FAM210A: variants seen among roughly 807,000 people sequenced by gnomAD.
FAM210A encodes mitochondrial inner membrane scaffold 1.
Under a neutral mutation model 25.3 loss-of-function variants are expected in FAM210A, and 13 were observed. The ratio of observed to expected loss-of-function variants is 0.51; its 90% CI spans 0.33 to 0.82. The LOEUF is 0.82. FAM210A is among the 40% of genes least tolerant of loss of function. FAM210A has a pLI of 0.02. For synonymous variants in FAM210A, 125 were observed against 118.7 expected, an observed-to-expected ratio of 1.05 and a Z score of -0.35; for missense variants, 319 against 323.2, an observed-to-expected ratio of 0.99 and a Z score of 0.10.
chr18:13,726,005 TC>T (rs899141865), intron 1 of FAM210A, among the ~76,000 whole-genome samples: 7 of 152,168 alleles, frequency 4.6e-5, no homozygotes, highest in African/African-American at 1.7e-4. Context: ...TCCGGGCCCC[TC>T]TTCAACTGGC....
At chr18:13,682,492 C>T (rs749294849) in intron 1 of FAM210A, among the ~76,000 whole-genome samples, 13 of 152,218 alleles carry the variant, frequency 8.5e-5, no homozygotes, top group East Asian at 3.9e-4. Context: ...CACTTAAACC[C>T]GGGAAGCGGA....
At chr18:13,672,162 C>T (rs907512600) in intron 2 of FAM210A, among the ~76,000 whole-genome samples, 189 bp from the exon 3 acceptor site, 2 of 152,180 alleles carry the variant, frequency 1.3e-5, no homozygotes, top group African/African-American at 4.8e-5. Context: ...AACATGCACA[C>T]AAACATCACA....
At chr18:13,687,442 A>G (rs565614874) in intron 1 of FAM210A, among the ~76,000 whole-genome samples, 1 of 152,280 alleles carries the variant, frequency 6.6e-6, no homozygotes, top group South Asian at 2.1e-4. Context: ...CACCAGGGAG[A>G]AGCAAAAAGG....
At chr18:13,723,425 T>C (rs555076423) in intron 1 of FAM210A, among the ~76,000 whole-genome samples, 4 of 152,272 alleles carry the variant, frequency 2.6e-5, no homozygotes, top group African/African-American at 7.2e-5. Context: ...TACAGAGATA[T>C]TGGTATTTTA....
chr18:13,671,828 T>C, intron 3 of FAM210A, 34 bp downstream of exon 3: 2 of 1,401,396 alleles, frequency 1.4e-6, no homozygotes, highest in South Asian at 2.3e-5. Context: ...CACCAGTGAG[T>C]TCTGAGGAGC....
At chr18:13,718,742 G>A (rs910361678) in intron 1 of FAM210A, among the ~76,000 whole-genome samples, 18 of 152,116 alleles carry the variant, frequency 1.2e-4, no homozygotes, top group African/African-American at 4.3e-4. Flanking sequence ...TTTACTTGAT[G>A]AATAAGGACT....
At chr18:13,688,151 A>G (rs1331781083) in intron 1 of FAM210A, among the ~76,000 whole-genome samples, 4 of 152,208 alleles carry the variant, frequency 2.6e-5, no homozygotes, top group African/African-American at 9.6e-5. Context: ...AGGCAGAGAA[A>G]TTCTAGGCAG....
intron 1 of FAM210A, 122 bp from the exon 2 acceptor site, chr18:13,682,227 C>T: frequency 1.5e-6 from 1 of 670,888 alleles, no homozygotes; most frequent in Non-Finnish European, 2.5e-6. Flanking sequence ...ACATAATCCA[C>T]AAAAACTGAT....
At chr18:13,703,002 C>T (rs1264365549) in intron 1 of FAM210A, among the ~76,000 whole-genome samples, 1 of 152,188 alleles carries the variant, frequency 6.6e-6, no homozygotes, top group Non-Finnish European at 1.5e-5. Context: ...AGCAGATATT[C>T]AAGCTCTAAC....
At chr18:13,725,830 G>GC (rs2043939510) in intron 1 of FAM210A, among the ~76,000 whole-genome samples, 1 of 152,160 alleles carries the variant, frequency 6.6e-6, no homozygotes, top group African/African-American at 2.4e-5. Context: ...GCAGACTAAT[G>GC]CATCCTTAGG....
intron 1 of FAM210A, among the ~76,000 whole-genome samples, chr18:13,693,479 G>C (rs1201249906): frequency 6.6e-6 from 1 of 152,150 alleles, no homozygotes; most frequent in African/African-American, 2.4e-5. Flanking sequence ...GATGAACATC[G>C]ATGGAAAAGT....
intron 1 of FAM210A, among the ~76,000 whole-genome samples, chr18:13,725,149 G>A (rs1452108496): frequency 1.3e-5 from 2 of 152,158 alleles, no homozygotes; most frequent in African/African-American, 4.8e-5. Flanking sequence ...ATTATCTCAA[G>A]AAACTTAAGC....
intron 1 of FAM210A, among the ~76,000 whole-genome samples, chr18:13,699,399 CT>C (rs1018638726): frequency 2.6e-5 from 4 of 152,126 alleles, no homozygotes; most frequent in South Asian, 2.1e-4. Context: ...TATGCCCCCC[CT>C]AGTGAATTCC....
chr18:13,705,823 A>G (rs190230913), intron 1 of FAM210A, among the ~76,000 whole-genome samples: 1 of 152,350 alleles, frequency 6.6e-6, no homozygotes, highest in Admixed American at 6.5e-5. Context: ...CACGTGCCTG[A>G]GAAGACCATG....
chr18:13,722,238 G>T (rs949597979), intron 1 of FAM210A, among the ~76,000 whole-genome samples: 2 of 151,316 alleles, frequency 1.3e-5, no homozygotes, highest in Non-Finnish European at 2.9e-5. Flanking sequence ...CTTTGACTCC[G>T]CTGTCCCCCA....
At chr18:13,718,619 T>C (rs2043878112) in intron 1 of FAM210A, among the ~76,000 whole-genome samples, 1 of 152,056 alleles carries the variant, frequency 6.6e-6, no homozygotes. Context: ...TCCCTGAAAA[T>C]AAAGGATTGA....
At chr18:13,694,159 A>G (rs2149062368) in intron 1 of FAM210A, among the ~76,000 whole-genome samples, 1 of 152,356 alleles carries the variant, frequency 6.6e-6, no homozygotes, top group Non-Finnish European at 1.5e-5. Flanking sequence ...CTAGGAATCC[A>G]ACTTACAAGG....
At chr18:13,697,305 T>C (rs1395681000) in intron 1 of FAM210A, among the ~76,000 whole-genome samples, 1 of 151,962 alleles carries the variant, frequency 6.6e-6, no homozygotes, top group Non-Finnish European at 1.5e-5. Flanking sequence ...GATCTACAGA[T>C]GGCAAAAAAC....
chr18:13,672,949 G>C (rs755081642), intron 2 of FAM210A, among the ~76,000 whole-genome samples: 1 of 152,160 alleles, frequency 6.6e-6, no homozygotes, highest in Non-Finnish European at 1.5e-5. Context: ...AACTTGAGCC[G>C]CAACTTCTCC....
Sources: gnomAD v4.1 joint callset for allele counts (sites outside exome capture counted in the v4.1 genomes callset) on GRCh38, gnomAD v4.1.1 for gene constraint, MANE v1.5 for transcripts, NCBI Gene and HGNC (gene_info 2026-07-23, HGNC 2026-07-21) for gene names.